Variants in SAMD12 observed in about 807,000 individuals in gnomAD.
SAMD12 encodes sterile alpha motif domain containing 12.
In SAMD12, 9 loss-of-function variants were observed where a neutral mutation model predicts 15.0. The observed-to-expected ratio is 0.60, with a 90% CI of 0.36 to 1.05. The LOEUF is 1.05. SAMD12 is among the 50% of genes least tolerant of loss of function. SAMD12 has a pLI of 0.01. For missense variants in SAMD12, 230 were observed against 234.2 expected (o/e 0.98, Z 0.12); for synonymous variants, 86 against 90.1 (o/e 0.96, Z 0.25).
intron 1 of SAMD12, among the ~76,000 whole-genome samples, chr8:118,608,268 C>T (rs902826130): frequency 4.0e-5 from 6 of 151,672 alleles, no homozygotes; most frequent in Non-Finnish European, 1.5e-5. Context: ...CCAGCACACA[C>T]CTTGCTGGCT....
At chr8:118,609,859 T>G (rs1586854909) in intron 1 of SAMD12, among the ~76,000 whole-genome samples, 1 of 152,152 alleles carries the variant, frequency 6.6e-6, no homozygotes, top group Admixed American at 6.5e-5. Context: ...GCAGCTCCCC[T>G]CTGATAGACA....
intron 1 of SAMD12, among the ~76,000 whole-genome samples, chr8:118,619,118 A>T (rs1437183496): frequency 6.6e-6 from 1 of 152,168 alleles, no homozygotes; most frequent in Non-Finnish European, 1.5e-5. Flanking sequence ...TACCAACAGC[A>T]GCCCCCAGCA....
chr8:118,551,206 A>C (rs182973178), intron 2 of SAMD12, among the ~76,000 whole-genome samples: 2,683 of 152,282 alleles, frequency 0.018, 85 homozygotes, highest in African/African-American at 0.061. Context: ...TCTCCACCCC[A>C]AATCAAGAGA....
At chr8:118,557,772 C>G (rs1184494926) in intron 2 of SAMD12, among the ~76,000 whole-genome samples, 3 of 152,186 alleles carry the variant, frequency 2.0e-5, no homozygotes. Flanking sequence ...CCATATTACC[C>G]TGCCTCTAGA....
chr8:118,144,687 G>T, the SAMD12 span, among the ~76,000 whole-genome samples: 1 of 151,822 alleles, frequency 6.6e-6, no homozygotes, highest in African/African-American at 2.4e-5. Context: ...GTGGGAAAAG[G>T]GAGAGAGAGA....
At chr8:118,330,112 G>A (rs1022649166) in intron 4 of SAMD12, among the ~76,000 whole-genome samples, 1 of 152,122 alleles carries the variant, frequency 6.6e-6, no homozygotes, top group African/African-American at 2.4e-5. Flanking sequence ...GAAAGAAATA[G>A]AACAACCATT....
chr8:118,208,165 G>T (rs1415887860), intron 4 of SAMD12, among the ~76,000 whole-genome samples: 3 of 152,100 alleles, frequency 2.0e-5, no homozygotes, highest in Non-Finnish European at 4.4e-5. Context: ...GCTGAGGCAG[G>T]AGACTCACTT....
At chr8:118,298,523 C>A (rs2130309671) in intron 4 of SAMD12, among the ~76,000 whole-genome samples, 1 of 152,248 alleles carries the variant, frequency 6.6e-6, no homozygotes, top group East Asian at 1.9e-4. Flanking sequence ...CAGACATAAC[C>A]ATTACTAATT....
chr8:118,339,569 G>A (rs551454860), intron 4 of SAMD12, among the ~76,000 whole-genome samples: 2 of 152,352 alleles, frequency 1.3e-5, no homozygotes, highest in Non-Finnish European at 2.9e-5. Flanking sequence ...GCTCTGAGGA[G>A]TGGTGCTGAT....
chr8:118,148,647 T>C, the SAMD12 span, among the ~76,000 whole-genome samples: 16 of 152,186 alleles, frequency 1.1e-4, no homozygotes, highest in African/African-American at 3.4e-4. Context: ...TTCCATCATC[T>C]TCTCCCCCTT....
At chr8:118,304,128 C>G (rs1815187163) in intron 4 of SAMD12, among the ~76,000 whole-genome samples, 1 of 152,146 alleles carries the variant, frequency 6.6e-6, no homozygotes, top group Non-Finnish European at 1.5e-5. Flanking sequence ...CTACCTATTC[C>G]AAGTCTTCAG....
At chr8:118,578,586 C>A (rs955142464) in intron 2 of SAMD12, among the ~76,000 whole-genome samples, 14 of 152,092 alleles carry the variant, frequency 9.2e-5, no homozygotes, top group Admixed American at 2.6e-4. Context: ...ACTCTACCAG[C>A]CCTCTAAATG....
intron 4 of SAMD12, among the ~76,000 whole-genome samples, chr8:118,212,885 A>G (rs1394778029): frequency 6.6e-6 from 1 of 152,192 alleles, no homozygotes; most frequent in Non-Finnish European, 1.5e-5. Context: ...ATGTTAAAAT[A>G]TGAGACAAGT....
chr8:118,564,372 C>T (rs1313066611), intron 2 of SAMD12, among the ~76,000 whole-genome samples: 2 of 152,148 alleles, frequency 1.3e-5, no homozygotes, highest in Admixed American at 6.5e-5. Flanking sequence ...GAAGCAGTGG[C>T]TAATTGCTGT....
intron 4 of SAMD12, among the ~76,000 whole-genome samples, chr8:118,210,575 T>C (rs947118283): frequency 1.3e-5 from 2 of 152,208 alleles, no homozygotes; most frequent in African/African-American, 2.4e-5. Flanking sequence ...CTATTTATTG[T>C]TGTCTCATTT....
At chr8:118,509,790 A>T (rs534801405) in intron 2 of SAMD12, among the ~76,000 whole-genome samples, 2 of 152,218 alleles carry the variant, frequency 1.3e-5, no homozygotes, top group African/African-American at 4.8e-5. Context: ...TGTGTCCTAA[A>T]TATCCAACAC....
Position 118,580,907 on chromosome 8 carries a change from A to T in SAMD12, c.14-14T>A. On this transcript the variant is annotated splice_polypyrimidine_tract_variant and intron_variant, in intron 1 of 3. Transcript: ENST00000314727. ...CACAGTGGAGAGCTAGGAAAAAGCA[A>T]CAAATAGAACTCAGAAAACAAACCA... 2 of 1,591,812 alleles carry T rather than the reference A, an allele frequency of 1.3e-6. 1 individual carries two copies. The highest frequency in any genetic ancestry group is 2.3e-5 in the South Asian group (2 of 87,462).
At chr8:118,163,011 G>C in the SAMD12 span, among the ~76,000 whole-genome samples, 1 of 152,096 alleles carries the variant, frequency 6.6e-6, no homozygotes, top group Non-Finnish European at 1.5e-5. Flanking sequence ...GATTTTGAGG[G>C]GTTAAGTATT....
At chr8:118,548,243 T>G (rs187105990) in intron 2 of SAMD12, among the ~76,000 whole-genome samples, 7 of 152,300 alleles carry the variant, frequency 4.6e-5, no homozygotes, top group African/African-American at 1.7e-4. Flanking sequence ...TCACGATATT[T>G]TAAAAGATAC....
Sources: gnomAD v4.1 joint callset for allele counts (sites outside exome capture counted in the v4.1 genomes callset) on GRCh38, gnomAD v4.1.1 for gene constraint, MANE v1.5 for transcripts, NCBI Gene and HGNC (gene_info 2026-07-23, HGNC 2026-07-21) for gene names.